The following KIT variants were observed in gnomAD, a reference collection of about 807,000 sequenced individuals.
KIT encodes mast/stem cell growth factor receptor Kit.
In KIT, 16 loss-of-function variants were observed where a neutral mutation model predicts 105.7. That is an observed-to-expected ratio of 0.15 (90% CI 0.10 to 0.23). The LOEUF (loss-of-function observed/expected upper bound fraction) is 0.23, where lower values mean the gene tolerates loss of function less well. Among genes scored for constraint, KIT ranks in the 10% least tolerant of loss-of-function variants. The pLI, the probability that KIT is intolerant of heterozygous loss-of-function variation, is 1.00. For missense variants in KIT, 858 were observed against 1,213.8 expected (o/e 0.71, Z 4.36); for synonymous variants, 438 against 441.1 (o/e 0.99, Z 0.09).
intron 1 of KIT, among the ~76,000 whole-genome samples, chr4:54,678,872 A>C (rs987228859): frequency 6.6e-6 from 1 of 152,234 alleles, no homozygotes; most frequent in East Asian, 1.9e-4. Flanking sequence ...ACATTTTGCC[A>C]CATGTATTTT....
intron 17 of KIT, among the ~76,000 whole-genome samples, chr4:54,736,220 G>A (rs1156679932): frequency 1.3e-5 from 2 of 152,184 alleles, no homozygotes; most frequent in South Asian, 2.1e-4. Context: ...TGGAGCCAGG[G>A]CTAAAATGTC....
chr4:54,677,551 CTT>C (rs1478180359), intron 1 of KIT, among the ~76,000 whole-genome samples: 1 of 152,222 alleles, frequency 6.6e-6, no homozygotes, highest in Non-Finnish European at 1.5e-5. Context: ...CTTGCCTCCT[CTT>C]TCCTCGGGGC....
chr4:54,706,127 G>A (rs1720772204), intron 5 of KIT, among the ~76,000 whole-genome samples: 1 of 151,724 alleles, frequency 6.6e-6, no homozygotes, highest in Non-Finnish European at 1.5e-5. Context: ...GCTTATAATA[G>A]TGTAAATAGC....
chr4:54,675,879 A>G (rs1718428284), intron 1 of KIT, among the ~76,000 whole-genome samples: 1 of 152,116 alleles, frequency 6.6e-6, no homozygotes, highest in Admixed American at 6.5e-5. Flanking sequence ...GTGCTGCAGA[A>G]GTTGTATTTG....
chr4:54,676,997 T>C (rs1001532270), intron 1 of KIT, among the ~76,000 whole-genome samples: 8 of 152,136 alleles, frequency 5.3e-5, no homozygotes. Context: ...TTCGAACTTA[T>C]CACATTGTAA....
At chr4:54,686,698 C>G (rs995335329) in intron 1 of KIT, among the ~76,000 whole-genome samples, 1 of 152,152 alleles carries the variant, frequency 6.6e-6, no homozygotes, top group Admixed American at 6.5e-5. Flanking sequence ...GAGCGTGCCA[C>G]CACACCCAGC....
chr4:54,718,651 A>G (rs939244278), intron 7 of KIT, among the ~76,000 whole-genome samples: 16 of 152,236 alleles, frequency 1.1e-4, no homozygotes, highest in African/African-American at 3.6e-4. Context: ...CGCCCTTTAT[A>G]GTAAAAGTTT....
At chr4:54,731,751 C>A (rs1407556059) in intron 15 of KIT, 120 bp from the exon 16 acceptor site, 1 of 1,021,440 alleles carries the variant, frequency 9.8e-7, no homozygotes, top group Non-Finnish European at 1.5e-6. Flanking sequence ...GGGAAGTGAT[C>A]TGCCTGCAAG....
intron 1 of KIT, among the ~76,000 whole-genome samples, chr4:54,694,972 T>G (rs1191527393): frequency 6.6e-6 from 1 of 152,192 alleles, no homozygotes; most frequent in Non-Finnish European, 1.5e-5. Context: ...TGCCTTAGTG[T>G]TTAGAGATTT....
intron 7 of KIT, among the ~76,000 whole-genome samples, chr4:54,720,310 T>G (rs1721786588): frequency 1.3e-5 from 2 of 152,168 alleles, no homozygotes; most frequent in African/African-American, 2.4e-5. Context: ...TCAATTAGCC[T>G]CAGGTTATGA....
Position 54,681,849 on chromosome 4 carries a change from GGC to G in KIT, c.68-13662_68-13661del, listed in dbSNP as rs375692539. Among the ~76,000 whole-genome samples the G allele has an allele frequency of 8.5e-4, 130 of 152,068 alleles. 1 individual carries two copies. In the South Asian group the frequency reaches 0.025, roughly 30 times the overall value. ...GAGGCCAGGAGTTCGAGATCAGCCT[GGC>G]CAACGTGGCGAAAACCTGACTCTAC... On this transcript the variant is annotated intron_variant, in intron 1 of 20. Transcript: ENST00000288135.
intron 1 of KIT, among the ~76,000 whole-genome samples, chr4:54,668,503 G>A (rs1033275294): frequency 2.6e-5 from 4 of 152,148 alleles, no homozygotes; most frequent in East Asian, 1.9e-4. Context: ...AACAATGGCC[G>A]GGACTCCCAG....
intron 1 of KIT, among the ~76,000 whole-genome samples, chr4:54,682,203 C>T (rs1718984697): frequency 2.0e-5 from 3 of 151,494 alleles, no homozygotes; most frequent in Admixed American, 1.3e-4. Flanking sequence ...GATCCTCCCA[C>T]CTTAGCCTCC....
At chr4:54,715,937 C>T (rs1484149932) in intron 7 of KIT, among the ~76,000 whole-genome samples, 1 of 143,188 alleles carries the variant, frequency 7.0e-6, no homozygotes, top group East Asian at 2.0e-4. Context: ...TCAGGAAGAT[C>T]CTCACAAAAC....
At chr4:54,715,098 C>T (rs996496368) in intron 7 of KIT, among the ~76,000 whole-genome samples, 3 of 152,136 alleles carry the variant, frequency 2.0e-5, no homozygotes, top group African/African-American at 7.2e-5. Context: ...CTGTTGTTAG[C>T]AATTATTTAT....
At chr4:54,661,383 T>C (rs1717256854) in intron 1 of KIT, among the ~76,000 whole-genome samples, 1 of 152,200 alleles carries the variant, frequency 6.6e-6, no homozygotes, top group Non-Finnish European at 1.5e-5. Context: ...CTGCTGTTGT[T>C]GACAGCCCTT....
intron 20 of KIT, among the ~76,000 whole-genome samples, chr4:54,737,483 T>C (rs182286455): frequency 1.2e-3 from 181 of 152,268 alleles, no homozygotes; most frequent in Middle Eastern, 3.4e-3. Flanking sequence ...CAAAGAAGGA[T>C]GTGAGATTGA....
At chr4:54,676,135 C>T (rs1389679241) in intron 1 of KIT, among the ~76,000 whole-genome samples, 1 of 152,160 alleles carries the variant, frequency 6.6e-6, no homozygotes, top group Non-Finnish European at 1.5e-5. Flanking sequence ...TTGTTTGCTG[C>T]GCTAATGCCC....
rs1400737533 is a variant in KIT, at chr4:54,739,627, G to C, written c.*1070G>C. 4.3e-6 allele frequency: 1 copy of C among 233,502 alleles called. No homozygotes were observed. Among genetic ancestry groups the C allele is most frequent in the Non-Finnish European group, 8.5e-6 (1 of 117,996 alleles). The allele number at this position is 233,502 out of a possible 1,614,324, so 14.5% of individuals were successfully genotyped here. ...AAGTATAGGTTTAGCCTCCTTCGCAGGCATGTCCTGGACACCGGGCCAGTA... is the reference window on the plus strand; with the variant it reads ...AAGTATAGGTTTAGCCTCCTTCGCACGCATGTCCTGGACACCGGGCCAGTA... On this transcript the variant is annotated 3_prime_UTR_variant, in exon 21 of 21. Transcript: ENST00000288135.
Sources: gnomAD v4.1 joint callset for allele counts (sites outside exome capture counted in the v4.1 genomes callset) on GRCh38, gnomAD v4.1.1 for gene constraint, MANE v1.5 for transcripts, NCBI Gene and HGNC (gene_info 2026-07-23, HGNC 2026-07-21) for gene names.